Variants in NKAP observed in about 807,000 individuals in gnomAD.
NKAP encodes the protein NFKB activating protein, also known as NF-kappa-B-activating protein.
Under a neutral mutation model 35.6 loss-of-function variants are expected in NKAP, and 4 were observed. The ratio of observed to expected loss-of-function variants is 0.11; its 90% CI spans 0.06 to 0.26. The LOEUF (loss-of-function observed/expected upper bound fraction) is 0.26, where lower values mean the gene tolerates loss of function less well. Ranked by LOEUF, NKAP falls within the 10% of genes least tolerant of loss-of-function variation. The probability of loss-of-function intolerance (pLI) is 1.00; values close to 1 mark genes in which losing one functional copy is unlikely to be tolerated. For missense variants in NKAP, 238 were observed against 321.9 expected (o/e 0.74, Z 1.99); for synonymous variants, 106 against 119.2 (o/e 0.89, Z 0.72).
At position 119,924,466 on chromosome X, in the gene NKAP, C is replaced by A. The variant is rs1433394060; in HGVS notation, c.*754G>T. 9.0e-6 allele frequency: 1 copy of A among 110,630 alleles called. No individual in the cohort carries two copies. Among genetic ancestry groups the A allele is most frequent in the Non-Finnish European group, 1.9e-5 (1 of 52,872 alleles). 9.1% of individuals were successfully genotyped at this position (110,630 alleles called of 1,213,427 possible). On this transcript the variant is annotated 3_prime_UTR_variant, in exon 9 of 9. Coordinates refer to ENST00000371410, the MANE Select transcript of NKAP (RefSeq NM_024528.4). ...AGTGCAATGTCACAATCTCGGCTCA[C>A]TGCAACCTCCGCCTCCTGGATTCAA...
rs1413422360 is a variant in NKAP, at chrX:119,921,972, G to C, written c.*3248C>G. ...TTCTCCTGCCTCAGCCTCCCGAGTA[G>C]CTGGGACTACAGGCACGTGCCACCA... On this transcript the variant is annotated 3_prime_UTR_variant, in exon 9 of 9. Transcript: ENST00000371410. The C allele has an allele frequency of 9.0e-6, 1 of 110,920 alleles. No homozygotes were observed. The allele number at this position is 110,920 out of a possible 1,213,427, so 9.1% of individuals were successfully genotyped here. A position where few individuals can be genotyped will look rare whatever the true frequency, so the allele number is the denominator to read the frequency against.
chrX:119,934,685 T>C, intron 4 of NKAP, 128 bp from the exon 5 acceptor site: 1 of 416,307 alleles, frequency 2.4e-6, no homozygotes, highest in Non-Finnish European at 4.0e-6. Flanking sequence ...CATTGAAACA[T>C]TTATTGCTAT....
chrX:119,937,479 G>C (rs2056771901), intron 2 of NKAP: 2 of 108,054 alleles, frequency 1.9e-5, no homozygotes, highest in African/African-American at 6.8e-5. Flanking sequence ...ATGGTGGCAT[G>C]CACCTGTAAT....
chrX:119,927,287 C>G (rs759874223), intron 8 of NKAP, among the ~76,000 whole-genome samples: 63 of 108,141 alleles, frequency 5.8e-4, no homozygotes, highest in African/African-American at 1.0e-4. Flanking sequence ...ATCTGACATG[C>G]TATCTCTTTC....
intron 8 of NKAP, among the ~76,000 whole-genome samples, chrX:119,925,947 A>ATTTTTT (rs1238211722): frequency 2.1e-4 from 11 of 52,382 alleles, no homozygotes; most frequent in African/African-American, 2.4e-4. Flanking sequence ...TTTTTTTTTA[A>ATTTTTT]TTTTTTTTTT....
intron 8 of NKAP, among the ~76,000 whole-genome samples, chrX:119,928,999 C>T (rs1399464940): frequency 9.3e-6 from 1 of 107,610 alleles, no homozygotes; most frequent in African/African-American, 3.4e-5. Flanking sequence ...TGGGTTCATG[C>T]GATTCTCCTG....
chrX:119,921,033 AG>A lies in NKAP; in HGVS notation c.*4186del, dbSNP rs2056686201. 8.8e-6 allele frequency: 1 copy of A among 114,161 alleles called. No individual in the cohort carries two copies. The highest frequency in any genetic ancestry group is 1.8e-5 in the Non-Finnish European group (1 of 54,608). 9.4% of individuals were successfully genotyped at this position (114,161 alleles called of 1,213,427 possible). On this transcript the variant is annotated 3_prime_UTR_variant, in exon 9 of 9. Transcript: ENST00000371410. The stretch of plus-strand genomic sequence containing the variant: ...ACAGCTCATAATATAACCAGTCTGA[AG>A]GGTTCCCCTACTCACAGACCCCTTC...
rs1320599475 is a variant in NKAP at position 119,928,704 on chromosome X, G to C, written c.1073+1312C>G. 4.5e-5 allele frequency among the ~76,000 whole-genome samples: 5 copies of C among 111,124 alleles called. No individual in the cohort carries two copies. The Admixed American group carries it at 4.8e-4, about 11-fold the overall frequency. On this transcript the variant is annotated intron_variant, in intron 8 of 8. Coordinates refer to ENST00000371410, the MANE Select transcript of NKAP (RefSeq NM_024528.4). ...GCCTCCTGAGGAGCTGGGACTACAG[G>C]TGTCCGCCACCATGCCCAGCTAATT...
chrX:119,928,861 A>G (rs1163268028), intron 8 of NKAP, among the ~76,000 whole-genome samples: 1 of 107,466 alleles, frequency 9.3e-6, no homozygotes, highest in African/African-American at 3.4e-5. Context: ...ACGCCTGGCT[A>G]AAAAATGACA....
At chrX:119,925,789 C>T (rs2056707873) in intron 8 of NKAP, among the ~76,000 whole-genome samples, 1 of 109,746 alleles carries the variant, frequency 9.1e-6, no homozygotes, top group South Asian at 3.9e-4. Flanking sequence ...CTCAAGTAAT[C>T]CGCCTGTCTC....
Position 119,925,167 on chromosome X carries a change from C to T in NKAP, c.*53G>A, listed in dbSNP as rs899990936. ...AATCTTTTTCTATGTATGTGTGGAA[C>T]CCAGACTTTCTTTTTTGTTGTTAAA... On this transcript the variant is annotated 3_prime_UTR_variant, in exon 9 of 9. Coordinates refer to ENST00000371410, the MANE Select transcript of NKAP (RefSeq NM_024528.4). 2 of 1,153,476 alleles carry T rather than the reference C, an allele frequency of 1.7e-6. No individual in the cohort carries two copies. The highest frequency in any genetic ancestry group is 2.4e-5 in the Admixed American group (1 of 41,251).
rs142592372 is a variant in NKAP, at chrX:119,929,081, G to T, written c.1073+935C>A. On this transcript the variant is annotated intron_variant, in intron 8 of 8. Transcript: ENST00000371410. ...CTGGCTAATTTTTGTGTTTTTAGTA[G>T]AGAAGGGTTTCGCCATGTTGCCCAG... 5.9e-3 allele frequency among the ~76,000 whole-genome samples: 641 copies of T among 109,190 alleles called. 6 individuals are homozygous for T. The highest frequency in any genetic ancestry group is 0.01 in the Non-Finnish European group (529 of 52,494). The allele number at this position is 109,190 out of a possible 115,157, so 94.8% of individuals were successfully genotyped here.
intron 7 of NKAP, among the ~76,000 whole-genome samples, chrX:119,930,687 G>A (rs867747445): frequency 1.8e-5 from 2 of 110,856 alleles, no homozygotes; most frequent in Non-Finnish European, 3.8e-5. Flanking sequence ...GCATGGTGGT[G>A]CATGCTTGTA....
In NKAP at chrX:119,931,951, T is replaced by C; in HGVS notation, c.908A>G (p.Asp303Gly). The change falls in exon 7 of 9, where the codon GAT becomes GGT. Residue 303 changes from aspartate (D) to glycine (G), a missense_variant. Coordinates refer to ENST00000371410, the MANE Select transcript of NKAP (RefSeq NM_024528.4). ...PEAPKTLTSQDDKPLNYGHAL... is the reference protein window; with the variant it reads ...PEAPKTLTSQGDKPLNYGHAL... ...TGCTGCTTACTTCAAAGGTTTATCA[T>C]CTTGAGAGGTAAGTGTTTTTGGAGC... 8.4e-7 allele frequency: 1 copy of C among 1,194,855 alleles called. No individual in the cohort carries two copies. Among genetic ancestry groups the C allele is most frequent in the Non-Finnish European group, 1.1e-6 (1 of 883,901 alleles).
At chrX:119,935,611 A>G (rs1163313327) in intron 4 of NKAP, among the ~76,000 whole-genome samples, 1 of 111,724 alleles carries the variant, frequency 9.0e-6, no homozygotes, top group Non-Finnish European at 1.9e-5. Flanking sequence ...GAAATATTTG[A>G]AAGTTCTGTC....
In NKAP at chrX:119,923,412, C is replaced by T. The variant is rs1450794444; in HGVS notation, c.*1808G>A. On this transcript the variant is annotated 3_prime_UTR_variant, in exon 9 of 9. Transcript: ENST00000371410. ...GTTTAAGTGTTTAAAATGAAATCTACTTAGTATATGAAAGACAGTTAAAAA... is the reference window on the plus strand; with the variant it reads ...GTTTAAGTGTTTAAAATGAAATCTATTTAGTATATGAAAGACAGTTAAAAA... 8.9e-6 allele frequency: 1 copy of T among 112,205 alleles called. No homozygotes were observed. Among genetic ancestry groups the T allele is most frequent in the East Asian group, 2.8e-4 (1 of 3,595 alleles). 9.2% of individuals were successfully genotyped at this position (112,205 alleles called of 1,213,427 possible). A position where few individuals can be genotyped will look rare whatever the true frequency, so the allele number is the denominator to read the frequency against.
At position 119,943,725 on chromosome X, in the gene NKAP, C is replaced by T. The variant is rs1392718468; in HGVS notation, c.-120G>A. The T allele has an allele frequency of 1.2e-6, 1 of 865,212 alleles. No homozygotes were observed. The highest frequency in any genetic ancestry group is 1.6e-6 in the Non-Finnish European group (1 of 639,875). The allele number at this position is 865,212 out of a possible 1,213,427, so 71.3% of individuals were successfully genotyped here. On this transcript the variant is annotated 5_prime_UTR_variant, in exon 1 of 9. Transcript: ENST00000371410. ...CGGAACAGCCCAAATCTGAGGAAAC[C>T]TTGGACACAGTTCTGGGTACTTCTG...
At chrX:119,931,376 C>T (rs751139383) in intron 7 of NKAP, among the ~76,000 whole-genome samples, 199 of 106,790 alleles carry the variant, frequency 1.9e-3, no homozygotes, top group African/African-American at 6.3e-3. Flanking sequence ...TGTGGTGGCG[C>T]GTGCCTGTAA....
intron 1 of NKAP, among the ~76,000 whole-genome samples, chrX:119,942,167 T>C (rs1019269715): frequency 9.0e-6 from 1 of 111,376 alleles, no homozygotes; most frequent in East Asian, 2.8e-4. Context: ...GGTAATAAAG[T>C]ATAGTGATGA....
Sources: gnomAD v4.1 joint callset for allele counts (sites outside exome capture counted in the v4.1 genomes callset) on GRCh38, gnomAD v4.1.1 for gene constraint, MANE v1.5 for transcripts, NCBI Gene and HGNC (gene_info 2026-07-23, HGNC 2026-07-21) for gene names.